The following CEP83 variants were observed in gnomAD, a reference collection of about 807,000 sequenced individuals.
The protein encoded by CEP83 is centrosomal protein 83.
CEP83 carries 70 observed loss-of-function variants against 101.9 expected under a neutral mutation model. The ratio of observed to expected loss-of-function variants is 0.69; its 90% CI spans 0.57 to 0.84. The LOEUF (loss-of-function observed/expected upper bound fraction) is 0.84, where lower values mean the gene tolerates loss of function less well. Ranked by LOEUF, CEP83 falls within the 40% of genes least tolerant of loss-of-function variation. The probability of loss-of-function intolerance (pLI) is 0.00; values close to 1 mark genes in which losing one functional copy is unlikely to be tolerated. For synonymous variants in CEP83, 264 were observed against 267.9 expected, an observed-to-expected ratio of 0.99 and a Z score of 0.14; for missense variants, 715 against 787.2, an observed-to-expected ratio of 0.91 and a Z score of 1.10.
At chr12:94,338,619 A>G (rs1044342059) in intron 11 of CEP83, among the ~76,000 whole-genome samples, 8 of 152,208 alleles carry the variant, frequency 5.3e-5, no homozygotes, top group African/African-American at 1.9e-4. Flanking sequence ...TGGTATCAGA[A>G]TAGGGATTCC....
intron 5 of CEP83, among the ~76,000 whole-genome samples, chr12:94,401,437 T>C (rs186402206): frequency 5.3e-5 from 8 of 152,354 alleles, no homozygotes; most frequent in African/African-American, 1.7e-4. Flanking sequence ...ATTACAATGA[T>C]AGTTTAACTC....
chr12:94,353,015 C>G (rs1372247542), intron 11 of CEP83, among the ~76,000 whole-genome samples: 1 of 152,084 alleles, frequency 6.6e-6, no homozygotes, highest in Non-Finnish European at 1.5e-5. Flanking sequence ...CAAACTGATT[C>G]AACCCAAAAA....
At chr12:94,335,164 T>G (rs1043802585) in intron 12 of CEP83, among the ~76,000 whole-genome samples, 1 of 152,050 alleles carries the variant, frequency 6.6e-6, no homozygotes, top group African/African-American at 2.4e-5. Flanking sequence ...AAACACAAAT[T>G]TCCTTCCATA....
At chr12:94,299,874 A>G in the CEP83 span, among the ~76,000 whole-genome samples, 1 of 152,064 alleles carries the variant, frequency 6.6e-6, no homozygotes, top group African/African-American at 2.4e-5. Context: ...CTAGCCTCTT[A>G]TCTCCAGTCC....
At chr12:94,279,499 C>A in the CEP83 span, 2 of 1,613,396 alleles carry the variant, frequency 1.2e-6, no homozygotes, top group Non-Finnish European at 1.7e-6. Context: ...TGAAAAAATC[C>A]CGGAAAACGA....
At chr12:94,366,343 A>G (rs1205490899) in intron 11 of CEP83, among the ~76,000 whole-genome samples, 1 of 152,210 alleles carries the variant, frequency 6.6e-6, no homozygotes, top group Non-Finnish European at 1.5e-5. Flanking sequence ...TTGGAAAATA[A>G]TATTTTGACT....
downstream of CEP83, chr12:94,306,717 T>C (rs1969059367): frequency 6.6e-6 from 1 of 152,170 alleles, no homozygotes; most frequent in South Asian, 2.1e-4. Flanking sequence ...AGGATTTAAA[T>C]ATGAATTTGT....
At chr12:94,316,260 T>A (rs542710795) in intron 14 of CEP83, among the ~76,000 whole-genome samples, 1 of 152,320 alleles carries the variant, frequency 6.6e-6, no homozygotes, top group African/African-American at 2.4e-5. Context: ...CTATTGTAAA[T>A]GGCATTTAAA....
At chr12:94,321,929 C>T (rs184416738) in intron 14 of CEP83, among the ~76,000 whole-genome samples, 146 of 151,810 alleles carry the variant, frequency 9.6e-4, no homozygotes, top group African/African-American at 3.3e-3. Context: ...CTACAGTATG[C>T]TGGGGGTCCG....
chr12:94,307,652 A>T (rs1013572030), downstream of CEP83: 1 of 151,512 alleles, frequency 6.6e-6, no homozygotes, highest in Non-Finnish European at 1.5e-5. Flanking sequence ...ATATCCAAAA[A>T]ATAAACATTT....
At chr12:94,389,178 C>T (rs963318300) in intron 6 of CEP83, among the ~76,000 whole-genome samples, 4 of 152,082 alleles carry the variant, frequency 2.6e-5, no homozygotes, top group Non-Finnish European at 5.9e-5. Flanking sequence ...AATCTTTAAA[C>T]TATATATAAA....
At chr12:94,341,132 A>G (rs1176951406) in intron 11 of CEP83, among the ~76,000 whole-genome samples, 1 of 152,180 alleles carries the variant, frequency 6.6e-6, no homozygotes, top group Non-Finnish European at 1.5e-5. Flanking sequence ...TGTGCAGCGG[A>G]GCAGCCTTTT....
chr12:94,293,247 T>G, the CEP83 span, among the ~76,000 whole-genome samples: 1 of 152,242 alleles, frequency 6.6e-6, no homozygotes, highest in African/African-American at 2.4e-5. Context: ...ATGTTTGAGT[T>G]GTTTCCAGTA....
At chr12:94,318,740 C>A (rs768474655) in intron 14 of CEP83, among the ~76,000 whole-genome samples, 3 of 152,106 alleles carry the variant, frequency 2.0e-5, no homozygotes, top group Non-Finnish European at 4.4e-5. Flanking sequence ...GTTGAATCAA[C>A]CTTGCATCCC....
chr12:94,459,080 C>A (rs569688747), intron 1 of CEP83, among the ~76,000 whole-genome samples: 4 of 152,218 alleles, frequency 2.6e-5, no homozygotes, highest in Non-Finnish European at 5.9e-5. Flanking sequence ...GAAAGAGCTT[C>A]CTCATTTCAG....
chr12:94,406,349 AAACAACAACAAC>A lies in CEP83; in HGVS notation c.325-3099_325-3088del, dbSNP rs201551331. Among the ~76,000 whole-genome samples the A allele has an allele frequency of 8.0e-4, 121 of 151,594 alleles. 1 individual carries two copies. The East Asian group carries it at 0.022, about 28-fold the overall frequency. On this transcript the variant is annotated intron_variant, in intron 4 of 16. Coordinates refer to ENST00000397809, the MANE Select transcript of CEP83 (RefSeq NM_016122.3). ...TCAAAAACAAAACAAAACAAAACAA[AAACAACAACAAC>A]AACAACAACAACAAAAATCCAGCAT...
intron 4 of CEP83, among the ~76,000 whole-genome samples, chr12:94,406,751 G>A (rs1336661075): frequency 6.6e-6 from 1 of 151,820 alleles, no homozygotes; most frequent in African/African-American, 2.4e-5. Context: ...GAAACCCCAT[G>A]TCTACTAACA....
chr12:94,424,396 G>A (rs1593948150), intron 2 of CEP83: 3 of 1,614,042 alleles, frequency 1.9e-6, no homozygotes, highest in South Asian at 2.2e-5. Context: ...AGTGGGTGAT[G>A]ATGGCTTCAC....
intron 4 of CEP83, among the ~76,000 whole-genome samples, chr12:94,408,783 A>T (rs1332335173): frequency 6.6e-6 from 1 of 151,922 alleles, no homozygotes; most frequent in Non-Finnish European, 1.5e-5. Context: ...AGAGTTACCC[A>T]GTTACGTTAC....
Sources: gnomAD v4.1 joint callset for allele counts (sites outside exome capture counted in the v4.1 genomes callset) on GRCh38, gnomAD v4.1.1 for gene constraint, MANE v1.5 for transcripts, NCBI Gene and HGNC (gene_info 2026-07-23, HGNC 2026-07-21) for gene names.